Variants in EDC3 observed in about 807,000 individuals in gnomAD.
EDC3 encodes the protein enhancer of mRNA decapping 3.
Under a neutral mutation model 41.8 loss-of-function variants are expected in EDC3, and 20 were observed. That is an observed-to-expected ratio of 0.48 (90% confidence interval 0.34 to 0.70). The LOEUF is 0.70. EDC3 is among the 30% of genes least tolerant of loss of function. EDC3 has a pLI of 0.01. For missense variants in EDC3, 444 were observed against 636.8 expected (o/e 0.70, Z 3.26); for synonymous variants, 206 against 243.2 (o/e 0.85, Z 1.42).
At chr15:74,695,070 A>G (rs1395738474) in intron 1 of EDC3, among the ~76,000 whole-genome samples, 1 of 152,156 alleles carries the variant, frequency 6.6e-6, no homozygotes, top group Non-Finnish European at 1.5e-5. Context: ...TTGAGACAGC[A>G]GACTGAAATC....
chr15:74,656,039 C>T lies in EDC3; in HGVS notation c.514G>A (p.Ala172Thr). 6.2e-7 allele frequency: 1 copy of T among 1,612,228 alleles called. No individual in the cohort carries two copies. Among genetic ancestry groups the T allele is most frequent in the Non-Finnish European group, 8.5e-7 (1 of 1,178,986 alleles). Residue 172 changes from alanine to threonine, a missense_variant, in exon 4 of 7, where the codon GCA becomes ACA. Physicochemically the swap from Ala to Thr is moderately conservative, Grantham distance 58. Transcript: ENST00000315127. The stretch of plus-strand genomic sequence containing the variant: ...TTTAAACCACTTTTCTTGGGAGTTG[C>T]CTGATTTGGGTGCCTGCTACTAGAT... The part of the protein sequence containing the change: ...WSSSSRHPNQ[A>T]TPKKSGLKNG...
At chr15:74,646,586 G>A (rs1429668296) in intron 4 of EDC3, among the ~76,000 whole-genome samples, 1 of 152,170 alleles carries the variant, frequency 6.6e-6, no homozygotes, top group African/African-American at 2.4e-5. Context: ...AGGGACTCCA[G>A]GTAGGAGTGG....
chr15:74,675,271 G>T, intron 1 of EDC3, 129 bp from the exon 2 acceptor site: 2 of 780,178 alleles, frequency 2.6e-6, no homozygotes, highest in South Asian at 3.5e-5. Context: ...TGTTAACTGA[G>T]GTAATAAATC....
chr15:74,684,635 C>G (rs1260010293), intron 1 of EDC3, among the ~76,000 whole-genome samples: 4 of 150,698 alleles, frequency 2.7e-5, no homozygotes, highest in African/African-American at 7.3e-5. Context: ...AAAAAAAACC[C>G]AGAAAGTTAA....
rs775891360 is a variant in EDC3, at chr15:74,655,825, C to T, written c.728G>A (p.Arg243Gln). The T allele has an allele frequency of 3.1e-6, 5 of 1,613,952 alleles. No homozygotes were observed. In the African/African-American group the frequency reaches 4.0e-5, roughly 13 times the overall value. The part of the protein sequence containing the change: ...SRGIPNERPT[R>Q]YRHDENILES... ...CAAGATGTTCTCATCATGGCGGTAC[C>T]GAGTGGGCCTTTCATTTGGGATGCC... The change falls in exon 4 of 7, where the codon CGG (arginine) becomes CAG (glutamine). Residue 243 changes from arginine to glutamine, a missense_variant. Around this residue, in one of 3 missense-constraint regions of EDC3, gnomAD observed 242 missense variants for 363.8 expected, o/e 0.67. Transcript: ENST00000315127.
chr15:74,635,370 G>C, intron 6 of EDC3, 39 bp downstream of exon 6: 1 of 1,589,380 alleles, frequency 6.3e-7, no homozygotes, highest in Non-Finnish European at 8.6e-7. Context: ...CTGCTAAGGA[G>C]GGAGGAGGCC....
intron 6 of EDC3, among the ~76,000 whole-genome samples, chr15:74,633,419 G>A (rs1596297162): frequency 6.6e-6 from 1 of 152,246 alleles, no homozygotes; most frequent in Non-Finnish European, 1.5e-5. Context: ...GGGTGAGCAG[G>A]TGAGAGCATG....
intron 1 of EDC3, among the ~76,000 whole-genome samples, chr15:74,686,168 T>A (rs2062934966): frequency 1.3e-5 from 2 of 151,714 alleles, no homozygotes; most frequent in African/African-American, 4.8e-5. Flanking sequence ...CTACTAAAAA[T>A]ACAAAAATTA....
intron 3 of EDC3, among the ~76,000 whole-genome samples, chr15:74,658,721 A>T (rs2062583001): frequency 6.6e-6 from 1 of 150,794 alleles, no homozygotes; most frequent in South Asian, 2.1e-4. Context: ...CAGGCAGATC[A>T]TGAGGTCAGG....
chr15:74,671,732 T>C lies in EDC3; in HGVS notation c.207A>G (p.Gly69=). 6.2e-7 allele frequency: 1 copy of C among 1,614,156 alleles called. No homozygotes were observed. The highest frequency in any genetic ancestry group is 8.5e-7 in the Non-Finnish European group (1 of 1,180,034). The stretch of plus-strand genomic sequence containing the variant: ...CTCCAAAATGTTGGTTGTCTCCAGG[T>C]CCTGGTATCTCCAGAATTTTTAACT... ...ITELKILEIP[G]PGDNQHFGDL... Residue 69 remains glycine (G), a synonymous_variant, in exon 3 of 7, where the codon GGA becomes GGG. Coordinates refer to ENST00000315127, the MANE Select transcript of EDC3 (RefSeq NM_025083.5). This position sits in a 1 kb window ranked among gnomAD's most constrained non-coding sequence, Gnocchi z 4.6.
intron 1 of EDC3, among the ~76,000 whole-genome samples, chr15:74,682,213 T>C (rs1026641685): frequency 3.9e-5 from 6 of 152,244 alleles, no homozygotes; most frequent in Admixed American, 2.6e-4. Flanking sequence ...TCCCAGCTAT[T>C]TGAGTGGCTA....
chr15:74,638,628 C>G (rs573798184), intron 5 of EDC3: 1 of 152,250 alleles, frequency 6.6e-6, no homozygotes, highest in African/African-American at 2.4e-5. Flanking sequence ...GTCACTGCGC[C>G]TGGCCTAAGT....
At chr15:74,694,730 T>C (rs1351085808) in intron 1 of EDC3, among the ~76,000 whole-genome samples, 1 of 152,248 alleles carries the variant, frequency 6.6e-6, no homozygotes, top group African/African-American at 2.4e-5. Flanking sequence ...CATTGGTGTG[T>C]GTGTGTGTGT....
At chr15:74,669,343 CAAAAAAA>C (rs59652636) in intron 3 of EDC3, among the ~76,000 whole-genome samples, 1 of 95,896 alleles carries the variant, frequency 1.0e-5, no homozygotes, top group Non-Finnish European at 2.3e-5. Context: ...AACTCTGTCT[CAAAAAAA>C]AAAAAAAAAA....
At chr15:74,676,470 CACCT>C (rs1175854209) in intron 1 of EDC3, among the ~76,000 whole-genome samples, 1 of 151,590 alleles carries the variant, frequency 6.6e-6, no homozygotes, top group Non-Finnish European at 1.5e-5. Context: ...AGTTGGTAAA[CACCT>C]AATAAAGAAA....
At chr15:74,646,015 G>A (rs1413076288) in intron 4 of EDC3, among the ~76,000 whole-genome samples, 3 of 151,540 alleles carry the variant, frequency 2.0e-5, no homozygotes, top group African/African-American at 7.3e-5. Flanking sequence ...AATAAAACGA[G>A]TAGAAATACA....
intron 1 of EDC3, among the ~76,000 whole-genome samples, chr15:74,684,388 A>T (rs553559221): frequency 2.0e-5 from 3 of 146,568 alleles, no homozygotes; most frequent in Non-Finnish European, 3.0e-5. Context: ...CAGGTTTCCA[A>T]CTCCTGAGTT....
At chr15:74,658,294 T>C (rs539571436) in intron 3 of EDC3, among the ~76,000 whole-genome samples, 44 of 152,242 alleles carry the variant, frequency 2.9e-4, no homozygotes, top group South Asian at 6.2e-4. Context: ...AAACCAACTA[T>C]GCTGCCCTAA....
chr15:74,672,954 G>A (rs1261665336), intron 2 of EDC3, among the ~76,000 whole-genome samples: 3 of 152,140 alleles, frequency 2.0e-5, no homozygotes, highest in African/African-American at 4.8e-5. Context: ...GGCCAGGGCA[G>A]GGGGAATGAG....
Sources: allele counts gnomAD v4.1 joint callset (sites outside exome capture counted in the v4.1 genomes callset), GRCh38; gene constraint gnomAD v4.1.1; regional missense constraint gnomAD v4.1.1; non-coding constraint Gnocchi (gnomAD v3.1); transcripts MANE v1.5; gene names NCBI Gene and HGNC (gene_info 2026-07-23, HGNC 2026-07-21).